MAD1L1: variants seen among roughly 807,000 people sequenced by gnomAD.
MAD1L1 encodes the protein mitotic spindle assembly checkpoint protein MAD1.
In MAD1L1, 95 loss-of-function variants were observed where a neutral mutation model predicts 96.9. The observed-to-expected ratio is 0.98, with a 90% CI of 0.83 to 1.16. MAD1L1 has a LOEUF of 1.16. Among genes scored for constraint, MAD1L1 ranks in the 50% most tolerant of loss-of-function variants. The pLI is 0.00. For synonymous variants in MAD1L1, 473 were observed against 396.6 expected (o/e 1.19, Z -2.29); for missense variants, 1,007 against 954.4 (o/e 1.06, Z -0.73).
chr7:2,106,952 G>C (rs1787133206), intron 11 of MAD1L1, among the ~76,000 whole-genome samples: 1 of 152,124 alleles, frequency 6.6e-6, no homozygotes, highest in African/African-American at 2.4e-5. Flanking sequence ...CAGTCCCCTA[G>C]AGGAGCGTAG....
intron 18 of MAD1L1, among the ~76,000 whole-genome samples, chr7:1,845,049 C>T (rs556912740): frequency 6.6e-6 from 1 of 152,334 alleles, no homozygotes; most frequent in South Asian, 2.1e-4. Context: ...GCAGCCAAGG[C>T]CCCACCTGGC....
intron 12 of MAD1L1, among the ~76,000 whole-genome samples, chr7:2,052,023 G>A (rs1381791995): frequency 6.6e-6 from 1 of 152,142 alleles, no homozygotes; most frequent in African/African-American, 2.4e-5. Context: ...AAACAGCCAG[G>A]CGGAAAGACA....
chr7:1,907,693 C>A (rs1210653648), intron 17 of MAD1L1, among the ~76,000 whole-genome samples: 1 of 152,246 alleles, frequency 6.6e-6, no homozygotes, highest in Non-Finnish European at 1.5e-5. Context: ...ACATCACCTG[C>A]CCCCGGGTCA....
chr7:1,954,801 C>T (rs959586645), intron 16 of MAD1L1, among the ~76,000 whole-genome samples: 1 of 152,212 alleles, frequency 6.6e-6, no homozygotes, highest in Admixed American at 6.5e-5. Flanking sequence ...GGCCAGCCAC[C>T]GTCCGTGGGT....
In MAD1L1 at chr7:2,003,717, C is replaced by G. The variant is rs569966453; in HGVS notation, c.1360-1596G>C. Among the ~76,000 whole-genome samples, 13 of 152,300 alleles carry G rather than the reference C, an allele frequency of 8.5e-5. 1 individual carries two copies. The East Asian group carries it at 1.9e-3, about 23-fold the overall frequency. ...GAAGGCCTTGAGCTCTGCCCATGAC[C>G]AGCCCCGCCTGCTGCCCTCACACTG... On this transcript the variant is annotated intron_variant, in intron 13 of 18. Coordinates refer to ENST00000265854, the MANE Select transcript of MAD1L1 (RefSeq NM_001013836.2).
chr7:2,111,797 A>AAACGCACACACC (rs1787396340), intron 11 of MAD1L1, among the ~76,000 whole-genome samples: 2 of 151,832 alleles, frequency 1.3e-5, no homozygotes, highest in Non-Finnish European at 2.9e-5. Flanking sequence ...CTGCACACAC[A>AAACGCACACACC]GCAAACGCAC....
At chr7:1,910,805 A>C (rs1787967575) in intron 17 of MAD1L1, among the ~76,000 whole-genome samples, 1 of 152,138 alleles carries the variant, frequency 6.6e-6, no homozygotes, top group Non-Finnish European at 1.5e-5. Flanking sequence ...CCTGGGGAGC[A>C]TGGCTACGTT....
rs565283034 is a variant in MAD1L1 at position 2,182,765 on chromosome 7, G to T, written c.986+30447C>A. ...AACGTCCAGAACAGGTAAACCCAGA[G>T]ACAAAGAGCAGAGGAGTGACTGCCA... On this transcript the variant is annotated intron_variant, in intron 10 of 18. Transcript: ENST00000265854. Among the ~76,000 whole-genome samples, 40 of 152,324 alleles carry T rather than the reference G, an allele frequency of 2.6e-4. No homozygotes were observed. In the South Asian group the frequency reaches 8.3e-3, roughly 32 times the overall value.
chr7:1,903,669 C>T (rs1286056381), intron 17 of MAD1L1, among the ~76,000 whole-genome samples: 14 of 145,622 alleles, frequency 9.6e-5, no homozygotes, highest in African/African-American at 3.8e-4. Context: ...ACGCAGTGGC[C>T]TATGGAAGAC....
intron 18 of MAD1L1, chr7:1,854,257 G>A: frequency 5.2e-6 from 2 of 383,914 alleles, no homozygotes; most frequent in South Asian, 3.8e-5. Context: ...GTTGGGTACT[G>A]AGCCCGCTGG....
At chr7:2,220,515 G>A (rs1036476094) in intron 5 of MAD1L1, among the ~76,000 whole-genome samples, 1 of 152,216 alleles carries the variant, frequency 6.6e-6, no homozygotes, top group African/African-American at 2.4e-5. Flanking sequence ...AAACACACGG[G>A]CGTGATGTCA....
At chr7:2,045,177 T>C (rs1783866202) in intron 12 of MAD1L1, among the ~76,000 whole-genome samples, 1 of 152,170 alleles carries the variant, frequency 6.6e-6, no homozygotes, top group South Asian at 2.1e-4. Flanking sequence ...CACCCCTCTC[T>C]GCTCCAGGCC....
chr7:2,064,453 C>T (rs917576062), intron 12 of MAD1L1, among the ~76,000 whole-genome samples: 1 of 152,222 alleles, frequency 6.6e-6, no homozygotes, highest in Admixed American at 6.5e-5. Context: ...GCTCTGGCCC[C>T]TGTAAGAGGC....
chr7:2,124,008 G>T (rs898806653), intron 11 of MAD1L1, among the ~76,000 whole-genome samples: 2 of 152,226 alleles, frequency 1.3e-5, no homozygotes, highest in African/African-American at 4.8e-5. Flanking sequence ...CTGCTTCCTG[G>T]GAAGCCCCCT....
chr7:2,155,666 T>C (rs1789797909), intron 10 of MAD1L1, among the ~76,000 whole-genome samples: 1 of 152,224 alleles, frequency 6.6e-6, no homozygotes, highest in South Asian at 2.1e-4. Context: ...TGAGTAATAC[T>C]CCATTGTGTG....
At chr7:2,001,772 T>C (rs894241680) in intron 14 of MAD1L1, among the ~76,000 whole-genome samples, 6 of 152,168 alleles carry the variant, frequency 3.9e-5, no homozygotes, top group African/African-American at 1.4e-4. Flanking sequence ...CTCTCACACC[T>C]GCTTTGCCCC....
At chr7:2,100,682 G>GC (rs1189594162) in intron 11 of MAD1L1, among the ~76,000 whole-genome samples, 4 of 152,240 alleles carry the variant, frequency 2.6e-5, no homozygotes, top group Non-Finnish European at 5.9e-5. Context: ...GAGAGTGGGA[G>GC]CCGCGTCCAC....
intron 18 of MAD1L1, among the ~76,000 whole-genome samples, chr7:1,874,189 T>A (rs1278439654): frequency 1.3e-5 from 2 of 152,074 alleles, no homozygotes; most frequent in Non-Finnish European, 2.9e-5. Context: ...CAGAGGTCAG[T>A]GCAGCGAGGC....
intron 10 of MAD1L1, among the ~76,000 whole-genome samples, chr7:2,206,750 A>G (rs1158826956): frequency 2.6e-5 from 4 of 151,790 alleles, no homozygotes; most frequent in East Asian, 1.9e-4. Context: ...TGTTATGGCT[A>G]TAACAATTTA....
Sources: gnomAD v4.1 joint callset for allele counts (sites outside exome capture counted in the v4.1 genomes callset) on GRCh38, gnomAD v4.1.1 for gene constraint, MANE v1.5 for transcripts, NCBI Gene and HGNC (gene_info 2026-07-23, HGNC 2026-07-21) for gene names.